Variants in CA10 observed in about 807,000 individuals in gnomAD.
CA10 encodes the protein carbonic anhydrase 10 (inactive).
A neutral mutation model predicts 44.2 loss-of-function variants in CA10; 14 were observed. That is an observed-to-expected ratio of 0.32 (90% CI 0.21 to 0.50). The LOEUF (loss-of-function observed/expected upper bound fraction) is 0.50. CA10 is among the 20% of genes least tolerant of loss of function. CA10 has a pLI of 0.99. For missense variants in CA10, 350 were observed against 409.7 expected, an observed-to-expected ratio of 0.85 and a Z score of 1.26; for synonymous variants, 159 against 141.6, an observed-to-expected ratio of 1.12 and a Z score of -0.87.
chr17:51,662,457 C>T (rs974109), intron 4 of CA10, among the ~76,000 whole-genome samples: 35 of 152,306 alleles, frequency 2.3e-4, no homozygotes, highest in Non-Finnish European at 2.9e-4. Flanking sequence ...ATTCATTTCA[C>T]ATTAGCATAT....
intron 4 of CA10, among the ~76,000 whole-genome samples, chr17:51,712,134 G>A (rs965431136): frequency 2.6e-5 from 4 of 152,152 alleles, no homozygotes; most frequent in Admixed American, 2.0e-4. Flanking sequence ...AACATAATGG[G>A]TCATCAACAA....
chr17:51,805,108 C>T (rs1335785365), intron 3 of CA10, among the ~76,000 whole-genome samples: 1 of 152,186 alleles, frequency 6.6e-6, no homozygotes, highest in East Asian at 1.9e-4. Context: ...TCAGCACTGT[C>T]TGCATGATTT....
chr17:51,956,619 G>T (rs1598138630), intron 2 of CA10, among the ~76,000 whole-genome samples: 1 of 152,172 alleles, frequency 6.6e-6, no homozygotes, highest in South Asian at 2.1e-4. Context: ...AGCAAAAACA[G>T]GAAGTGGATC....
chr17:51,808,798 G>A (rs944197038), intron 3 of CA10, among the ~76,000 whole-genome samples: 7 of 152,232 alleles, frequency 4.6e-5, no homozygotes, highest in African/African-American at 1.4e-4. Context: ...TGTCAACAAT[G>A]ATTACGTTTA....
chr17:52,150,021 C>T (rs1989670081), intron 1 of CA10, among the ~76,000 whole-genome samples: 1 of 152,188 alleles, frequency 6.6e-6, no homozygotes, highest in African/African-American at 2.4e-5. Flanking sequence ...ACCTTAAATA[C>T]TCTTCCATCT....
chr17:51,701,220 C>T lies in CA10; in HGVS notation c.465+46413G>A, dbSNP rs181895782. Among the ~76,000 whole-genome samples, 6 of 152,166 alleles carry T rather than the reference C, an allele frequency of 3.9e-5. No homozygotes were observed. The East Asian group carries it at 7.7e-4, about 20-fold the overall frequency. On this transcript the variant is annotated intron_variant, in intron 4 of 8. Coordinates refer to ENST00000451037, the MANE Select transcript of CA10 (RefSeq NM_020178.5). Reference sequence around the variant, plus strand: ...GTTGCTGGCAATCCTTGGTGTTCCTCGGCGGGCGGCACCATCACTCCGGCC... The same window carrying T: ...GTTGCTGGCAATCCTTGGTGTTCCTTGGCGGGCGGCACCATCACTCCGGCC...
intron 1 of CA10, among the ~76,000 whole-genome samples, chr17:52,075,981 A>C (rs1026487679): frequency 2.0e-5 from 3 of 152,096 alleles, no homozygotes; most frequent in Admixed American, 6.6e-5. Flanking sequence ...AGAAACTTTC[A>C]TTTCTACAAG....
chr17:51,926,872 T>A (rs1363224560), intron 3 of CA10, among the ~76,000 whole-genome samples: 1 of 152,176 alleles, frequency 6.6e-6, no homozygotes, highest in African/African-American at 2.4e-5. Context: ...ATGTGGACAT[T>A]TTTGGAAGGG....
chr17:52,024,400 C>T (rs1986235695), intron 2 of CA10, among the ~76,000 whole-genome samples: 1 of 151,966 alleles, frequency 6.6e-6, no homozygotes, highest in African/African-American at 2.4e-5. Flanking sequence ...TTAAGATCTG[C>T]AGTCCTAGTC....
At chr17:51,897,180 T>G (rs1447795883) in intron 3 of CA10, among the ~76,000 whole-genome samples, 1 of 152,194 alleles carries the variant, frequency 6.6e-6, no homozygotes, top group Non-Finnish European at 1.5e-5. Context: ...GTAGGTTATC[T>G]TCTAGGGTTT....
chr17:52,036,095 C>A (rs150122264), intron 2 of CA10, among the ~76,000 whole-genome samples: 1 of 152,156 alleles, frequency 6.6e-6, no homozygotes, highest in Non-Finnish European at 1.5e-5. Flanking sequence ...GCATTTCCCA[C>A]GAGTTCCCAG....
Position 51,740,484 on chromosome 17 carries a change from G to A in CA10, c.465+7149C>T, listed in dbSNP as rs74756636. 5.9e-3 allele frequency among the ~76,000 whole-genome samples: 902 copies of A among 152,318 alleles called. 4 individuals are homozygous for A. The highest frequency in any genetic ancestry group is 0.02 in the African/African-American group (847 of 41,562). The stretch of plus-strand genomic sequence containing the variant: ...ATCTTGGTTATTTATTGCCTGGATG[G>A]TCTTGGGCCTTTGTTTCCCCAAGAA... On this transcript the variant is annotated intron_variant, in intron 4 of 8. Coordinates refer to ENST00000451037, the MANE Select transcript of CA10 (RefSeq NM_020178.5).
At chr17:52,107,610 C>T (rs907329568) in intron 1 of CA10, among the ~76,000 whole-genome samples, 2 of 151,986 alleles carry the variant, frequency 1.3e-5, no homozygotes, top group Non-Finnish European at 2.9e-5. Context: ...ATTGCAGATT[C>T]TTATAATTTG....
chr17:51,704,718 C>T (rs1210563386), intron 4 of CA10, among the ~76,000 whole-genome samples: 2 of 152,114 alleles, frequency 1.3e-5, no homozygotes, highest in South Asian at 2.1e-4. Context: ...AATCCCAGCA[C>T]TTTGGGAGGC....
chr17:51,688,153 G>C (rs1447180833), intron 4 of CA10, among the ~76,000 whole-genome samples: 1 of 152,186 alleles, frequency 6.6e-6, no homozygotes, highest in Non-Finnish European at 1.5e-5. Flanking sequence ...AGCCAGCACT[G>C]ATTCACCACC....
intron 4 of CA10, among the ~76,000 whole-genome samples, chr17:51,734,057 C>T (rs765284121): frequency 3.6e-5 from 3 of 83,760 alleles, no homozygotes; most frequent in African/African-American, 8.1e-5. Context: ...AAGAAAAGGT[C>T]GCAGATCCAA....
intron 4 of CA10, among the ~76,000 whole-genome samples, chr17:51,693,974 G>T (rs958501669): frequency 6.6e-6 from 1 of 152,132 alleles, no homozygotes; most frequent in African/African-American, 2.4e-5. Flanking sequence ...GGAGACTAAG[G>T]TGAGTGGATC....
At chr17:52,020,937 T>C (rs1986119293) in intron 2 of CA10, among the ~76,000 whole-genome samples, 1 of 152,054 alleles carries the variant, frequency 6.6e-6, no homozygotes. Flanking sequence ...TTGCTTAGTA[T>C]AATGGCCTCC....
chr17:52,099,904 G>C (rs1214324133), intron 1 of CA10, among the ~76,000 whole-genome samples: 1 of 152,172 alleles, frequency 6.6e-6, no homozygotes, highest in Non-Finnish European at 1.5e-5. Context: ...CAAGAACAAG[G>C]GAAAACCCTC....
Sources: gnomAD v4.1 joint callset for allele counts (sites outside exome capture counted in the v4.1 genomes callset) on GRCh38, gnomAD v4.1.1 for gene constraint, MANE v1.5 for transcripts, NCBI Gene and HGNC (gene_info 2026-07-23, HGNC 2026-07-21) for gene names.